The following UBA1 variants were observed in gnomAD, a reference collection of about 807,000 sequenced individuals.
UBA1 encodes ubiquitin like modifier activating enzyme 1, also known as ubiquitin-like modifier-activating enzyme 1.
A neutral mutation model predicts 84.7 loss-of-function variants in UBA1; 4 were observed. That is an observed-to-expected ratio of 0.05 (90% CI 0.02 to 0.11). The LOEUF is 0.11. Among genes scored for constraint, UBA1 ranks in the 10% least tolerant of loss-of-function variants. The pLI, the probability that UBA1 is intolerant of heterozygous loss-of-function variation, is 1.00. For synonymous variants in UBA1, 364 were observed against 362.6 expected (o/e 1.00, Z -0.04); for missense variants, 513 against 902.8 (o/e 0.57, Z 5.53).
At chrX:47,199,169 TG>T (rs1356755792) in intron 3 of UBA1, 39 bp from the exon 4 acceptor site, 2 of 1,210,419 alleles carry the variant, frequency 1.7e-6, no homozygotes, top group East Asian at 3.0e-5. Flanking sequence ...TAAGGTTGGG[TG>T]GGGCAGGCCC....
chrX:47,209,837 T>C (rs1185321220), intron 17 of UBA1, 91 bp from the exon 18 acceptor site: 2 of 1,111,746 alleles, frequency 1.8e-6, no homozygotes, highest in Non-Finnish European at 2.5e-6. Context: ...GGGTCGGGAC[T>C]AGTTTTCCAT....
chrX:47,203,747 CTTTTT>C (rs781978873), intron 14 of UBA1, 51 bp downstream of exon 14: 14 of 851,254 alleles, frequency 1.6e-5, no homozygotes, highest in Admixed American at 3.5e-5. Context: ...CCTCCTTTTT[CTTTTT>C]TTTTTTTTTT....
chrX:47,196,196 T>G (rs1457882316), intron 1 of UBA1, among the ~76,000 whole-genome samples: 1 of 111,370 alleles, frequency 9.0e-6, no homozygotes, highest in Admixed American at 9.5e-5. Context: ...CCTAGTCCTT[T>G]CCCTCCCAGG....
At position 47,201,403 on chromosome X, in the gene UBA1, T is replaced by G. The variant is rs782723372; in HGVS notation, c.678+37T>G. On this transcript the variant is annotated intron_variant, in intron 7 of 25. Transcript: ENST00000335972. ...AGCCCTAGGGTTCCTGGCAGGCAGGTGGGCTGCAGTAGTCCTTCCTGTCTG... is the reference window on the plus strand; with the variant it reads ...AGCCCTAGGGTTCCTGGCAGGCAGGGGGGCTGCAGTAGTCCTTCCTGTCTG... The G allele has an allele frequency of 7.5e-6, 9 of 1,205,389 alleles. No homozygotes were observed. The South Asian group carries it at 1.6e-4, about 21-fold the overall frequency.
At chrX:47,214,695 A>G in intron 25 of UBA1, 58 bp downstream of exon 25, 1 of 1,193,405 alleles carries the variant, frequency 8.4e-7, no homozygotes, top group Non-Finnish European at 1.1e-6. Context: ...GAGCCTCATC[A>G]TCCAGCTGTC....
At chrX:47,203,748 T>TTC (rs2147264235) in intron 14 of UBA1, 52 bp downstream of exon 14, 1 of 418,724 alleles carries the variant, frequency 2.4e-6, no homozygotes, top group Non-Finnish European at 3.0e-6. Flanking sequence ...CTCCTTTTTC[T>TTC]TTTTTTTTTT....
Position 47,212,402 on chromosome X carries a change from CAG to C in UBA1, c.2465-21_2465-20del. On this transcript the variant is annotated intron_variant, in intron 20 of 25. Coordinates refer to ENST00000335972, the MANE Select transcript of UBA1 (RefSeq NM_003334.4). ...CTTAGCCTGGGATCTAAAGGGCTGACAGTGTCCCTTTCTTCATGCAGATGACA... is the reference window on the plus strand; with the variant it reads ...CTTAGCCTGGGATCTAAAGGGCTGACTGTCCCTTTCTTCATGCAGATGACA... The C allele has an allele frequency of 1.7e-6, 2 of 1,147,258 alleles. No individual in the cohort carries two copies. Among genetic ancestry groups the C allele is most frequent in the Non-Finnish European group, 2.4e-6 (2 of 837,163 alleles). 94.5% of individuals were successfully genotyped at this position (1,147,258 alleles called of 1,213,427 possible).
chrX:47,214,359 C>T lies in UBA1; in HGVS notation c.2871C>T (p.Arg957=). The change falls in exon 24 of 26, where the codon CGC becomes CGT. Residue 957 remains arginine, a synonymous_variant. Transcript: ENST00000335972. ...YYNQEWTLWD[R]FEVQGLQPNG... ...ACCAAGAGTGGACATTGTGGGATCG[C>T]TTTGAGGTACAAGGGCTGCAGCCTA... 3 of 1,211,223 alleles carry T rather than the reference C, an allele frequency of 2.5e-6. No individual in the cohort carries two copies. Among genetic ancestry groups the T allele is most frequent in the South Asian group, 1.8e-5 (1 of 56,978 alleles).
Position 47,203,056 on chromosome X carries a change from G to A in UBA1, c.1338+9G>A, listed in dbSNP as rs1936480857. ...AGGACAAGTGCCTCCAGGTATGTGG[G>A]TGGGACCTGTGGGGAGGGCATCATT... On this transcript the variant is annotated intron_variant, in intron 12 of 25. Transcript: ENST00000335972. The A allele has an allele frequency of 3.3e-6, 4 of 1,204,381 alleles. No homozygotes were observed. The highest frequency in any genetic ancestry group is 1.1e-6 in the Non-Finnish European group (1 of 888,600).
rs1276047259 is a variant in UBA1 at position 47,201,382 on chromosome X, C to T, written c.678+16C>T. The T allele has an allele frequency of 8.3e-7, 1 of 1,207,202 alleles. No homozygotes were observed. Among genetic ancestry groups the T allele is most frequent in the Non-Finnish European group, 1.1e-6 (1 of 893,152 alleles). On this transcript the variant is annotated intron_variant, in intron 7 of 25. Transcript: ENST00000335972. ...GGTTACCAAGGTAAGGAGACCAGCC[C>T]TAGGGTTCCTGGCAGGCAGGTGGGC...
Position 47,197,730 on chromosome X carries a change from G to A in UBA1, c.1-1073G>A, listed in dbSNP as rs41312161. 2,908 of 571,050 alleles carry A rather than the reference G, an allele frequency of 5.1e-3. 2 individuals are homozygous for A. The highest frequency in any genetic ancestry group is 5.8e-3 in the Non-Finnish European group (2,741 of 472,459). 47.1% of individuals were successfully genotyped at this position (571,050 alleles called of 1,213,427 possible). A position where few individuals can be genotyped will look rare whatever the true frequency, so the allele number is the denominator to read the frequency against. ...GCCTTGCTGGGTCAGGGTCATGGAG[G>A]GGATGAAACGTGATAACACGAGGAA... is the stretch of plus-strand genomic sequence containing the variant. On this transcript the variant is annotated intron_variant, in intron 1 of 25. Transcript: ENST00000335972.
Position 47,201,233 on chromosome X carries a change from G to A in UBA1, c.588-43G>A, listed in dbSNP as rs782273195. Reference sequence around the variant, plus strand: ...CTTGAGGGACCCGTGGGACCTGTATGTGCATGGGACACAGGCACCAGCCCT... The same window carrying A: ...CTTGAGGGACCCGTGGGACCTGTATATGCATGGGACACAGGCACCAGCCCT... On this transcript the variant is annotated intron_variant, in intron 6 of 25. Transcript: ENST00000335972. 5 of 1,127,405 alleles carry A rather than the reference G, an allele frequency of 4.4e-6. No individual in the cohort carries two copies. The South Asian group carries it at 5.6e-5, about 13-fold the overall frequency. The allele number at this position is 1,127,405 out of a possible 1,213,427, so 92.9% of individuals were successfully genotyped here. A position where few individuals can be genotyped will look rare whatever the true frequency, so the allele number is the denominator to read the frequency against.
Position 47,206,363 on chromosome X carries a change from T to C in UBA1, c.1857T>C (p.Ser619=). The change falls in exon 16 of 26, where the codon AGT becomes AGC. Residue 619 remains serine (S), a synonymous_variant. Coordinates refer to ENST00000335972, the MANE Select transcript of UBA1 (RefSeq NM_003334.4). ...VVIPFLTESY[S]SSQDPPEKSI... is the part of the protein sequence containing the mutation. ...TCCCCTTCCTGACAGAGTCGTACAGTTCCAGCCAGGACCCACCTGAGAAGT... is the reference window on the plus strand; with the variant it reads ...TCCCCTTCCTGACAGAGTCGTACAGCTCCAGCCAGGACCCACCTGAGAAGT... 1.7e-6 allele frequency: 2 copies of C among 1,211,877 alleles called. No individual in the cohort carries two copies. Among genetic ancestry groups the C allele is most frequent in the South Asian group, 3.5e-5 (2 of 56,988 alleles).
chrX:47,193,536 A>G (rs1237110259), upstream of UBA1, among the ~76,000 whole-genome samples: 3 of 112,268 alleles, frequency 2.7e-5, no homozygotes, highest in African/African-American at 9.7e-5. Context: ...AACTTCATGC[A>G]TAACTTATAA....
At chrX:47,193,825 C>A (rs1936104884), upstream of UBA1, 1 of 111,738 alleles carries the variant, frequency 8.9e-6, no homozygotes, top group Non-Finnish European at 1.9e-5. Flanking sequence ...GCTCAGCGTC[C>A]GCCATCTTGT....
intron 10 of UBA1, 26 bp from the exon 11 acceptor site, chrX:47,202,610 CCT>C: frequency 8.3e-7 from 1 of 1,211,506 alleles, no homozygotes; most frequent in Non-Finnish European, 1.1e-6. Context: ...CCTGACATAT[CCT>C]CTCTTGGTTC....
chrX:47,209,710 C>T lies in UBA1; in HGVS notation c.2003+23C>T, dbSNP rs191009644. 2.1e-4 allele frequency: 248 copies of T among 1,202,037 alleles called. No individual in the cohort carries two copies. In the African/African-American group the frequency reaches 3.6e-3, roughly 18 times the overall value. On this transcript the variant is annotated intron_variant, in intron 17 of 25. Transcript: ENST00000335972. ...CACGTGAGTAACTCGAGTGCCCTCT[C>T]GCCCTGTCCCTGTCCACCAGCCAAG...
upstream of UBA1, among the ~76,000 whole-genome samples, chrX:47,192,023 G>T (rs186077989): frequency 2.9e-4 from 33 of 112,177 alleles, no homozygotes; most frequent in African/African-American, 9.7e-4. Context: ...ATGGGTATGA[G>T]GATAACGATA....
chrX:47,211,750 C>T (rs868935740), intron 20 of UBA1, among the ~76,000 whole-genome samples: 24 of 107,096 alleles, frequency 2.2e-4, no homozygotes, highest in African/African-American at 7.9e-4. Flanking sequence ...GTAACGCCCC[C>T]TACATTTACC....
Sources: gnomAD v4.1 joint callset for allele counts (sites outside exome capture counted in the v4.1 genomes callset) on GRCh38, gnomAD v4.1.1 for gene constraint, MANE v1.5 for transcripts, NCBI Gene and HGNC (gene_info 2026-07-23, HGNC 2026-07-21) for gene names.